Variants in CHN1 observed in about 807,000 individuals in gnomAD.
CHN1 encodes the protein chimerin 1, also known as N-chimaerin.
In CHN1, 37 loss-of-function variants were observed where a neutral mutation model predicts 59.5. The observed-to-expected ratio is 0.62, with a 90% confidence interval of 0.48 to 0.82. CHN1 has a LOEUF of 0.82. CHN1 is among the 40% of genes least tolerant of loss of function. CHN1 has a pLI of 0.00. For missense variants in CHN1, 469 were observed against 571.0 expected, an observed-to-expected ratio of 0.82 and a Z score of 1.82; for synonymous variants, 206 against 200.4, an observed-to-expected ratio of 1.03 and a Z score of -0.24.
chr2:174,890,966 C>G (rs1688025033), intron 5 of CHN1, among the ~76,000 whole-genome samples: 1 of 142,032 alleles, frequency 7.0e-6, no homozygotes, highest in African/African-American at 2.6e-5. Flanking sequence ...GAAACCCTGT[C>G]TCTACTAAAA....
chr2:175,004,323 C>T (rs1448192279), intron 1 of CHN1, among the ~76,000 whole-genome samples: 1 of 152,214 alleles, frequency 6.6e-6, no homozygotes, highest in African/African-American at 2.4e-5. Context: ...CAGTTATCTT[C>T]TGGTAACCAA....
In CHN1 at chr2:174,990,317, G is replaced by GC. The variant is rs201273845; in HGVS notation, c.19+14576_19+14577insG. ...AGCGCAAGAGCAAGAGTGCGAGGTC[G>GC]TGGGGGGGTGCGGGGGGGCGGGCAA... On this transcript the variant is annotated intron_variant, in intron 1 of 12. Transcript: ENST00000409900. Among the ~76,000 whole-genome samples, 1,157 of 145,006 alleles carry GC rather than the reference G, an allele frequency of 8.0e-3. 44 individuals carry two copies. Among genetic ancestry groups the GC allele is most frequent in the African/African-American group, 0.029 (1,083 of 37,896 alleles).
chr2:174,856,173 AG>A (rs1314838585), intron 6 of CHN1, among the ~76,000 whole-genome samples: 5 of 152,170 alleles, frequency 3.3e-5, no homozygotes, highest in Non-Finnish European at 5.9e-5. Flanking sequence ...CTTCTGTATC[AG>A]AACTCTATAA....
intron 10 of CHN1, 123 bp from the exon 11 acceptor site, chr2:174,809,165 A>T: frequency 1.1e-6 from 1 of 884,122 alleles, no homozygotes; most frequent in Non-Finnish European, 1.7e-6. Flanking sequence ...TTTAACGTAA[A>T]ATTTAGTGTG....
At chr2:174,885,230 A>G (rs570456413) in intron 5 of CHN1, among the ~76,000 whole-genome samples, 1 of 151,610 alleles carries the variant, frequency 6.6e-6, no homozygotes, top group East Asian at 1.9e-4. Context: ...AGTCAAGATC[A>G]CGCCACTGCA....
intron 7 of CHN1, among the ~76,000 whole-genome samples, chr2:174,843,790 T>C (rs974734290): frequency 1.4e-4 from 22 of 152,038 alleles, no homozygotes; most frequent in African/African-American, 5.1e-4. Context: ...ATTTTTCCGA[T>C]GTAGAGAGAG....
At chr2:174,848,397 T>C (rs1028550980) in intron 6 of CHN1, among the ~76,000 whole-genome samples, 2 of 73,406 alleles carry the variant, frequency 2.7e-5, no homozygotes, top group African/African-American at 6.4e-5. Flanking sequence ...TTAGGAGCAA[T>C]ACCTACATTT....
At chr2:175,003,733 G>A (rs1251790213) in intron 1 of CHN1, among the ~76,000 whole-genome samples, 1 of 152,140 alleles carries the variant, frequency 6.6e-6, no homozygotes, top group Non-Finnish European at 1.5e-5. Context: ...ATGCACTTGG[G>A]CACAGTAAAC....
At chr2:174,802,348 ACTTG>A (rs983549335) in intron 11 of CHN1, among the ~76,000 whole-genome samples, 5 of 152,250 alleles carry the variant, frequency 3.3e-5, no homozygotes, top group African/African-American at 1.2e-4. Flanking sequence ...TCCAACATTT[ACTTG>A]CTTGATTCAT....
intron 6 of CHN1, among the ~76,000 whole-genome samples, chr2:174,868,095 T>A (rs528603688): frequency 6.6e-6 from 1 of 152,210 alleles, no homozygotes; most frequent in East Asian, 1.9e-4. Context: ...GTTTTTCATA[T>A]CTTTCTAATT....
Position 174,983,217 on chromosome 2 carries a change from GTTC to G in CHN1, c.19+21674_19+21676del, listed in dbSNP as rs532302288. On this transcript the variant is annotated intron_variant, in intron 1 of 12. Coordinates refer to ENST00000409900, the MANE Select transcript of CHN1 (RefSeq NM_001822.7). ...ATGATTGCTGTATTTTACTTTTTTA[GTTC>G]TTTTTATGTTTTACTTAAATACACT... is the stretch of plus-strand genomic sequence containing the variant. Among the ~76,000 whole-genome samples, 434 of 152,158 alleles carry G rather than the reference GTTC, an allele frequency of 2.9e-3. 3 individuals are homozygous for G. Among genetic ancestry groups the G allele is most frequent in the African/African-American group, 1.0e-2 (415 of 41,508 alleles).
chr2:174,973,405 G>GT (rs1472094025), intron 1 of CHN1, among the ~76,000 whole-genome samples: 1 of 152,160 alleles, frequency 6.6e-6, no homozygotes, highest in East Asian at 1.9e-4. Context: ...ACAAAACACG[G>GT]TTTTTTCAGG....
Position 175,004,959 on chromosome 2 carries a change from G to A in CHN1, c.-47C>T. Reference sequence around the variant, plus strand: ...CCGCGAGTCCAGGCGCTCCTCCCAGGCGGGCTAGGGATCACCTCATCAGCC... The same window carrying A: ...CCGCGAGTCCAGGCGCTCCTCCCAGACGGGCTAGGGATCACCTCATCAGCC... On this transcript the variant is annotated 5_prime_UTR_variant, in exon 1 of 13. Transcript: ENST00000409900. The A allele has an allele frequency of 2.0e-6, 3 of 1,519,836 alleles. No homozygotes were observed. The highest frequency in any genetic ancestry group is 2.8e-5 in the African/African-American group (2 of 70,554). The allele number at this position is 1,519,836 out of a possible 1,614,324, so 94.1% of individuals were successfully genotyped here. A position where few individuals can be genotyped will look rare whatever the true frequency, so the allele number is the denominator to read the frequency against.
chr2:174,878,821 TTC>T (rs1218827724), intron 5 of CHN1, among the ~76,000 whole-genome samples: 80 of 152,354 alleles, frequency 5.3e-4, no homozygotes, highest in African/African-American at 1.9e-3. Context: ...ACTATAGAAA[TTC>T]TGTTTTCAAT....
chr2:174,823,388 G>A (rs577253558), intron 8 of CHN1, among the ~76,000 whole-genome samples: 3 of 152,320 alleles, frequency 2.0e-5, no homozygotes, highest in East Asian at 1.9e-4. Flanking sequence ...TTTGGGCTGG[G>A]TGCGGTGGCT....
At chr2:174,958,502 C>A (rs983942551) in intron 1 of CHN1, among the ~76,000 whole-genome samples, 1 of 152,122 alleles carries the variant, frequency 6.6e-6, no homozygotes, top group Non-Finnish European at 1.5e-5. Context: ...ACCTATGAGC[C>A]GTGAGGGCCT....
chr2:174,955,416 T>C (rs556468924), intron 1 of CHN1, among the ~76,000 whole-genome samples: 1 of 151,958 alleles, frequency 6.6e-6, no homozygotes, highest in African/African-American at 2.4e-5. Context: ...TGTTCTCACT[T>C]ACAGGAGGGA....
chr2:174,908,519 C>G (rs1436936476), intron 5 of CHN1, among the ~76,000 whole-genome samples: 3 of 152,128 alleles, frequency 2.0e-5, no homozygotes, highest in African/African-American at 7.2e-5. Context: ...CTAAAATTTC[C>G]CATACTCCCA....
At chr2:174,865,859 A>G (rs1687200741) in intron 6 of CHN1, among the ~76,000 whole-genome samples, 2 of 152,202 alleles carry the variant, frequency 1.3e-5, no homozygotes, top group Non-Finnish European at 1.5e-5. Context: ...AACAAAAAGA[A>G]CATATGGGTA....
Sources: allele counts gnomAD v4.1 joint callset (sites outside exome capture counted in the v4.1 genomes callset), GRCh38; gene constraint gnomAD v4.1.1; transcripts MANE v1.5; gene names NCBI Gene and HGNC (gene_info 2026-07-23, HGNC 2026-07-21).